PAX2: variants seen among roughly 807,000 people sequenced by gnomAD.
PAX2 encodes the protein paired box protein Pax-2.
In PAX2, 9 loss-of-function variants were observed where a neutral mutation model predicts 41.7. The ratio of observed to expected loss-of-function variants is 0.22; its 90% CI spans 0.13 to 0.38. The LOEUF is 0.38. Ranked by LOEUF, PAX2 falls within the 10% of genes least tolerant of loss-of-function variation. The pLI, the probability that PAX2 is intolerant of heterozygous loss-of-function variation, is 1.00. For synonymous variants in PAX2, 221 were observed against 212.7 expected, an observed-to-expected ratio of 1.04 and a Z score of -0.34; for missense variants, 418 against 531.6, an observed-to-expected ratio of 0.79 and a Z score of 2.10.
At chr10:100,822,257 C>A (rs1848398719) in intron 7 of PAX2, among the ~76,000 whole-genome samples, 1 of 152,092 alleles carries the variant, frequency 6.6e-6, no homozygotes, top group Non-Finnish European at 1.5e-5. Context: ...AATAAAGTCA[C>A]AATATATGAG....
At chr10:100,755,898 G>A (rs1196091859) in intron 3 of PAX2, among the ~76,000 whole-genome samples, 2 of 152,186 alleles carry the variant, frequency 1.3e-5, no homozygotes, top group East Asian at 1.9e-4. Context: ...GATTAGGGAA[G>A]GGGTGGAGAT....
chr10:100,749,515 G>T (rs904604915), intron 1 of PAX2: 33 of 1,325,262 alleles, frequency 2.5e-5, no homozygotes, highest in Admixed American at 1.1e-4. Context: ...ACCTTGCGTC[G>T]CAAGGCCTGA....
intron 5 of PAX2, among the ~76,000 whole-genome samples, chr10:100,788,048 G>A (rs1335435202): frequency 6.6e-6 from 1 of 152,072 alleles, no homozygotes; most frequent in Non-Finnish European, 1.5e-5. Flanking sequence ...TTACAATTCC[G>A]CTGAGAAAAG....
chr10:100,780,793 A>G (rs538930852), intron 4 of PAX2, among the ~76,000 whole-genome samples: 1 of 152,330 alleles, frequency 6.6e-6, no homozygotes, highest in African/African-American at 2.4e-5. Flanking sequence ...ACTGAGAACA[A>G]TGAGCTGGGG....
intron 3 of PAX2, among the ~76,000 whole-genome samples, chr10:100,769,665 AAAAT>A (rs1846144633): frequency 6.7e-6 from 1 of 148,488 alleles, no homozygotes; most frequent in East Asian, 1.9e-4. Flanking sequence ...AAAATAAAAT[AAAAT>A]AAAAAAATAA....
rs1554867012 is a variant in PAX2, at chr10:100,819,258, A to AAGCGG, written c.920-5388_920-5387insCGGAG. Among the ~76,000 whole-genome samples the AAGCGG allele has an allele frequency of 6.2e-3, 922 of 147,532 alleles. 17 individuals are homozygous for AAGCGG. Among genetic ancestry groups the AAGCGG allele is most frequent in the African/African-American group, 0.022 (878 of 39,072 alleles). On this transcript the variant is annotated intron_variant, in intron 7 of 9. Transcript: ENST00000355243. The stretch of plus-strand genomic sequence containing the variant: ...GCAAGACTCTGTCTCAAAAAAAAAA[A>AAGCGG]AGGGGGGGGAGTTTAAAAACATATC...
At chr10:100,747,027 C>T (rs1334675449) in intron 1 of PAX2, 1 of 152,288 alleles carries the variant, frequency 6.6e-6, no homozygotes, top group Admixed American at 6.5e-5. Context: ...TGTCAAGACA[C>T]GATGGTCATC....
rs1009780616 is a variant in PAX2 at position 100,759,901 on chromosome 10, G to C, written c.410+9010G>C. ...CTGGGGGTCTTTGCTGGGCCCAACT[G>C]CCCAGCCCATACCTGGCAGGCAGAT... On this transcript the variant is annotated intron_variant, in intron 3 of 9. Transcript: ENST00000355243. Among the ~76,000 whole-genome samples the C allele has an allele frequency of 3.3e-5, 5 of 152,110 alleles. No homozygotes were observed. In the East Asian group the frequency reaches 7.7e-4, roughly 24 times the overall value.
At chr10:100,740,514 C>G (rs1187425511) in intron 1 of PAX2, among the ~76,000 whole-genome samples, 1 of 152,222 alleles carries the variant, frequency 6.6e-6, no homozygotes, top group Non-Finnish European at 1.5e-5. Context: ...AACGCCACCT[C>G]CTGCCCTACC....
rs1275862701 is a variant in PAX2 at position 100,824,496 on chromosome 10, C to T, written c.920-152C>T. ...CACATGCAAAGGCACACTCAGATGG[C>T]GCATTCAGGTGCACAGTGGCACACA... On this transcript the variant is annotated intron_variant, in intron 7 of 9. Transcript: ENST00000355243. The surrounding 1 kb of genome is among the most constrained non-coding windows in gnomAD (Gnocchi z 6.6). The T allele has an allele frequency of 3.4e-5, 24 of 707,972 alleles. No individual in the cohort carries two copies. Among genetic ancestry groups the T allele is most frequent in the East Asian group, 1.2e-4 (5 of 40,006 alleles). The allele number at this position is 707,972 out of a possible 1,614,324, so 43.9% of individuals were successfully genotyped here.
At chr10:100,816,183 A>T (rs570842223) in intron 7 of PAX2, among the ~76,000 whole-genome samples, 34 of 152,346 alleles carry the variant, frequency 2.2e-4, no homozygotes, top group African/African-American at 7.0e-4. Flanking sequence ...TTTGAATCAA[A>T]ATATTTTCTA....
chr10:100,739,653 C>A (rs1271366810), intron 1 of PAX2, among the ~76,000 whole-genome samples: 2 of 152,188 alleles, frequency 1.3e-5, no homozygotes, highest in Admixed American at 6.5e-5. Flanking sequence ...GCTTCCCTGG[C>A]CCTGCTCTCC....
At chr10:100,813,056 T>C (rs1209050388) in intron 7 of PAX2, among the ~76,000 whole-genome samples, 3 of 152,240 alleles carry the variant, frequency 2.0e-5, no homozygotes, top group African/African-American at 7.2e-5. Flanking sequence ...TACCTCATAA[T>C]GTTTGATGAA....
intron 3 of PAX2, among the ~76,000 whole-genome samples, chr10:100,756,365 G>T (rs1250443352): frequency 1.3e-5 from 2 of 152,156 alleles, no homozygotes; most frequent in Non-Finnish European, 2.9e-5. Context: ...CCCCCTCCTT[G>T]TGTCTACCTG....
At chr10:100,742,174 G>A (rs933132438), upstream of PAX2, among the ~76,000 whole-genome samples, 2 of 152,194 alleles carry the variant, frequency 1.3e-5, no homozygotes, top group Admixed American at 6.5e-5. Flanking sequence ...CTGGAAACCG[G>A]AAAACAGGAG....
intron 3 of PAX2, among the ~76,000 whole-genome samples, chr10:100,760,925 A>C (rs1032969589): frequency 1.3e-5 from 2 of 152,162 alleles, no homozygotes; most frequent in Non-Finnish European, 2.9e-5. Context: ...TAGGGCAGGC[A>C]GCCTGCCGAC....
intron 3 of PAX2, among the ~76,000 whole-genome samples, chr10:100,772,268 C>T (rs1379354126): frequency 6.6e-6 from 1 of 152,122 alleles, no homozygotes; most frequent in Non-Finnish European, 1.5e-5. Flanking sequence ...ATTCTCCCAC[C>T]TCAGCCTCCC....
rs201282255 is a variant in PAX2, at chr10:100,809,117, A to G, written c.800A>G (p.Glu267Gly). 2 of 1,613,260 alleles carry G rather than the reference A, an allele frequency of 1.2e-6. No individual in the cohort carries two copies. Among genetic ancestry groups the G allele is most frequent in the African/African-American group, 1.3e-5 (1 of 74,816 alleles). ...TTTTCTCTCTCCTCCCAGGGGAACGAGTACTCCCTCCCAGCCCTGACCCCT... is the reference window on the plus strand; with the variant it reads ...TTTTCTCTCTCCTCCCAGGGGAACGGGTACTCCCTCCCAGCCCTGACCCCT... ...SEHIKSEQGNEYSLPALTPGL... is the reference protein window; with the variant it reads ...SEHIKSEQGNGYSLPALTPGL... The change falls in exon 7 of 10, where the codon GAG (glutamate) becomes GGG (glycine). Residue 267 changes from glutamate (E) to glycine (G), a missense_variant. By Grantham distance (98) the Glu-to-Gly change is moderately conservative. Transcript: ENST00000355243.
rs1845304161 is a variant in PAX2 at position 100,748,633 on chromosome 10, G to A, written c.44-1113G>A. On this transcript the variant is annotated intron_variant, in intron 1 of 9. Coordinates refer to ENST00000355243, the MANE Select transcript of PAX2 (RefSeq NM_000278.5). The surrounding 1 kb of genome is among the most constrained non-coding windows in gnomAD (Gnocchi z 5.0). ...GTGCAGGATTTCTAGACTGCTGTAG[G>A]CCAGGGAGAATGGGGCACAGGAAGC... 9 of 985,446 alleles carry A rather than the reference G, an allele frequency of 9.1e-6. No homozygotes were observed. The South Asian group carries it at 2.3e-4, about 26-fold the overall frequency. The allele number at this position is 985,446 out of a possible 1,614,324, so 61.0% of individuals were successfully genotyped here. A position where few individuals can be genotyped will look rare whatever the true frequency, so the allele number is the denominator to read the frequency against.
Sources: gnomAD v4.1 joint callset for allele counts (sites outside exome capture counted in the v4.1 genomes callset) on GRCh38, gnomAD v4.1.1 for gene constraint, Gnocchi (gnomAD v3.1) non-coding constraint, MANE v1.5 for transcripts, NCBI Gene and HGNC (gene_info 2026-07-23, HGNC 2026-07-21) for gene names.